The following GALNT5 variants were observed in gnomAD, a reference collection of about 807,000 sequenced individuals.
GALNT5 encodes the protein UDP-GalNAc:polypeptide N-acetylgalactosaminyltransferase 5.
GALNT5 carries 72 observed loss-of-function variants against 85.4 expected under a neutral mutation model. The ratio of observed to expected loss-of-function variants is 0.84; its 90% confidence interval spans 0.70 to 1.03. The LOEUF is 1.03. Ranked by LOEUF, GALNT5 falls within the 50% of genes least tolerant of loss-of-function variation. GALNT5 has a pLI of 0.00. For missense variants in GALNT5, 1,137 were observed against 1,135.5 expected (o/e 1.00, Z -0.02); for synonymous variants, 404 against 397.0 (o/e 1.02, Z -0.21).
At chr2:157,263,122 C>T (rs532504949) in intron 1 of GALNT5, among the ~76,000 whole-genome samples, 10 of 151,766 alleles carry the variant, frequency 6.6e-5, no homozygotes, top group African/African-American at 1.9e-4. Context: ...CCACCGCATC[C>T]GGCCCACACC....
intron 1 of GALNT5, among the ~76,000 whole-genome samples, chr2:157,272,024 G>A (rs185486363): frequency 1.6e-4 from 24 of 152,232 alleles, no homozygotes; most frequent in African/African-American, 5.8e-4. Context: ...CTAGGAGGGT[G>A]TAGTGTCTCA....
intron 1 of GALNT5, among the ~76,000 whole-genome samples, chr2:157,261,920 A>G (rs1246088558): frequency 6.6e-6 from 1 of 152,150 alleles, no homozygotes; most frequent in Non-Finnish European, 1.5e-5. Context: ...ATTTTTTAAG[A>G]TAATAAGTTT....
chr2:157,285,412 G>A (rs192127923), intron 2 of GALNT5, among the ~76,000 whole-genome samples: 1 of 152,254 alleles, frequency 6.6e-6, no homozygotes, highest in East Asian at 1.9e-4. Flanking sequence ...TTCTTAGAAA[G>A]TTTTCTGGAA....
At chr2:157,281,860 T>C (rs1011067136) in intron 1 of GALNT5, among the ~76,000 whole-genome samples, 1 of 152,192 alleles carries the variant, frequency 6.6e-6, no homozygotes, top group Admixed American at 6.5e-5. Context: ...ATCGGATATT[T>C]AGCTGAGGAG....
rs530295917 is a variant in GALNT5 at position 157,282,153 on chromosome 2, A to G, written c.1455-2129A>G. 3.9e-5 allele frequency among the ~76,000 whole-genome samples: 6 copies of G among 152,374 alleles called. No homozygotes were observed. In the East Asian group the frequency reaches 1.2e-3, roughly 29 times the overall value. On this transcript the variant is annotated intron_variant, in intron 1 of 9. Transcript: ENST00000259056. Reference sequence around the variant, plus strand: ...AGATACCTGATCACTACATGAAGATAGTGAATCAAAATGTGTTATTTTAAT... The same window carrying G: ...AGATACCTGATCACTACATGAAGATGGTGAATCAAAATGTGTTATTTTAAT...
chr2:157,305,521 A>G (rs10183902), intron 7 of GALNT5, among the ~76,000 whole-genome samples: 111,361 of 152,140 alleles, frequency 0.73, 45,928 homozygotes, highest in Non-Finnish European at 0.92. Flanking sequence ...TGTTGGCTCT[A>G]TGGCTGATCA....
At chr2:157,281,153 T>G (rs1272502040) in intron 1 of GALNT5, among the ~76,000 whole-genome samples, 1 of 152,134 alleles carries the variant, frequency 6.6e-6, no homozygotes, top group Admixed American at 6.5e-5. Flanking sequence ...AACCTCCACC[T>G]CCAGGGTTCA....
intron 1 of GALNT5, among the ~76,000 whole-genome samples, chr2:157,279,540 G>A (rs529116391): frequency 7.9e-5 from 12 of 152,320 alleles, no homozygotes; most frequent in South Asian, 6.2e-4. Flanking sequence ...GTCCCTCCCC[G>A]AGCCAGGCTG....
intron 4 of GALNT5, 56 bp downstream of exon 4, chr2:157,295,854 C>T (rs944711158): frequency 6.6e-6 from 9 of 1,354,680 alleles, no homozygotes; most frequent in Non-Finnish European, 8.3e-6. Flanking sequence ...TCACAAGCAG[C>T]AGAAAGTGCT....
At chr2:157,275,801 A>G (rs889707587) in intron 1 of GALNT5, among the ~76,000 whole-genome samples, 3 of 152,120 alleles carry the variant, frequency 2.0e-5, no homozygotes, top group Non-Finnish European at 4.4e-5. Flanking sequence ...TCTTTTCCTA[A>G]TTGAATACCC....
intron 1 of GALNT5, among the ~76,000 whole-genome samples, chr2:157,263,028 C>T (rs537880592): frequency 2.2e-4 from 33 of 151,466 alleles, no homozygotes; most frequent in Admixed American, 5.9e-4. Flanking sequence ...GGGGTTTCAC[C>T]GTGTTAGCCA....
Position 157,308,741 on chromosome 2 carries a change from T to C in GALNT5, c.2682+13T>C, listed in dbSNP as rs750837947. ...TCATCCAGAACTGGTAAGCAAAAGA[T>C]TGGTACCTCTTCTTTACCACAAATT... On this transcript the variant is annotated intron_variant, in intron 9 of 9. Transcript: ENST00000259056. The C allele has an allele frequency of 1.3e-6, 2 of 1,598,022 alleles. No homozygotes were observed. Among genetic ancestry groups the C allele is most frequent in the South Asian group, 1.1e-5 (1 of 88,512 alleles).
At chr2:157,274,849 T>C (rs550527537) in intron 1 of GALNT5, among the ~76,000 whole-genome samples, 2 of 152,366 alleles carry the variant, frequency 1.3e-5, no homozygotes, top group East Asian at 1.9e-4. Context: ...ATCCCATTTG[T>C]CTGTTTTGGC....
At chr2:157,296,674 T>C (rs1683220652) in intron 5 of GALNT5, among the ~76,000 whole-genome samples, 161 bp downstream of exon 5, 1 of 152,172 alleles carries the variant, frequency 6.6e-6, no homozygotes, top group Non-Finnish European at 1.5e-5. Context: ...CTTGAGAAAT[T>C]CGTTCCCAAA....
intron 4 of GALNT5, among the ~76,000 whole-genome samples, chr2:157,296,075 ATATT>A (rs1376191121): frequency 2.6e-5 from 4 of 152,108 alleles, no homozygotes; most frequent in Admixed American, 2.6e-4. Context: ...TGAACCCCAA[ATATT>A]TATTTACCTC....
chr2:157,310,002 G>GGAGAGA (rs1202391733), intron 9 of GALNT5, among the ~76,000 whole-genome samples: 3 of 151,444 alleles, frequency 2.0e-5, no homozygotes, highest in African/African-American at 7.3e-5. Context: ...GATGTGGTAA[G>GGAGAGA]GAGAGAGAGA....
chr2:157,263,385 G>A (rs1682392758), intron 1 of GALNT5, among the ~76,000 whole-genome samples: 1 of 151,942 alleles, frequency 6.6e-6, no homozygotes, highest in Non-Finnish European at 1.5e-5. Context: ...CCATTCTCTT[G>A]CACACATTCT....
rs34298419 is a variant in GALNT5 at position 157,283,502 on chromosome 2, GT to G, written c.1455-775del. Among the ~76,000 whole-genome samples the G allele has an allele frequency of 2.0e-5, 3 of 152,276 alleles. No homozygotes were observed. In the East Asian group the frequency reaches 5.8e-4, roughly 29 times the overall value. On this transcript the variant is annotated intron_variant, in intron 1 of 9. Transcript: ENST00000259056. ...ATTGCATTCCTATGCCAGCAAAATG[GT>G]TTTTCAACTGTGGCTATTCTGTAGC...
chr2:157,272,895 A>T (rs1682621728), intron 1 of GALNT5, among the ~76,000 whole-genome samples: 1 of 152,148 alleles, frequency 6.6e-6, no homozygotes, highest in South Asian at 2.1e-4. Context: ...GCTTGCTCAA[A>T]TGGTAGTTCT....
Sources: gnomAD v4.1 joint callset for allele counts (sites outside exome capture counted in the v4.1 genomes callset) on GRCh38, gnomAD v4.1.1 for gene constraint, MANE v1.5 for transcripts, NCBI Gene and HGNC (gene_info 2026-07-23, HGNC 2026-07-21) for gene names.